ABI3BP: variants seen among roughly 807,000 people sequenced by gnomAD.
The protein encoded by ABI3BP is ABI family member 3 binding protein, also known as target of Nesh-SH3.
A neutral mutation model predicts 268.6 loss-of-function variants in ABI3BP; 216 were observed. The observed-to-expected ratio is 0.80, with a 90% CI of 0.72 to 0.90. The LOEUF is 0.90. Among genes scored for constraint, ABI3BP ranks in the 40% least tolerant of loss-of-function variants. The pLI, the probability that ABI3BP is intolerant of heterozygous loss-of-function variation, is 0.00. For synonymous variants in ABI3BP, 730 were observed against 730.0 expected (o/e 1.00, Z 0.00); for missense variants, 2,090 against 2,182.4 (o/e 0.96, Z 0.84).
chr3:100,754,364 A>G (rs1344126686), intron 64 of ABI3BP, among the ~76,000 whole-genome samples: 2 of 152,194 alleles, frequency 1.3e-5, no homozygotes, highest in African/African-American at 4.8e-5. Flanking sequence ...GAGAGGATTC[A>G]TTGACTAGCT....
At position 100,774,761 on chromosome 3, in the gene ABI3BP, T is replaced by C. The variant is rs145790995; in HGVS notation, c.4463-88A>G. The C allele has an allele frequency of 4.2e-3, 4,359 of 1,043,528 alleles. 13 individuals carry two copies. Among genetic ancestry groups the C allele is most frequent in the Middle Eastern group, 6.7e-3 (23 of 3,436 alleles). The allele number at this position is 1,043,528 out of a possible 1,614,324, so 64.6% of individuals were successfully genotyped here. ...AAAGTTGTAGACTAAAGATATTCAA[T>C]ATTTCTTCTTGTAAACTGCTTGCAG... On this transcript the variant is annotated intron_variant, in intron 60 of 67. Coordinates refer to ENST00000471714, the MANE Select transcript of ABI3BP (RefSeq NM_001375547.2).
chr3:100,987,645 AT>A (rs2092154642), intron 1 of ABI3BP, among the ~76,000 whole-genome samples: 3 of 152,206 alleles, frequency 2.0e-5, no homozygotes, highest in African/African-American at 7.2e-5. Context: ...TGTGTTGACT[AT>A]TGATTATTAA....
chr3:100,908,891 G>T (rs2054847910), intron 2 of ABI3BP, among the ~76,000 whole-genome samples: 1 of 152,108 alleles, frequency 6.6e-6, no homozygotes, highest in Admixed American at 6.5e-5. Context: ...TTTCTTCACG[G>T]AATTGGAAAA....
chr3:100,765,987 T>C, intron 62 of ABI3BP, 38 bp from the exon 63 acceptor site: 3 of 1,488,886 alleles, frequency 2.0e-6, no homozygotes, highest in Non-Finnish European at 2.8e-6. Context: ...CTTGTTTTTA[T>C]TTCTTGGCTG....
intron 63 of ABI3BP, among the ~76,000 whole-genome samples, chr3:100,755,990 A>C (rs1312103773): frequency 6.6e-6 from 1 of 152,244 alleles, no homozygotes; most frequent in Non-Finnish European, 1.5e-5. Context: ...AAAAAATTTG[A>C]GTCAGTTTCT....
rs2095322841 is a variant in ABI3BP, at chr3:100,751,453, C to G, written c.5245+99G>C. 12 of 1,294,288 alleles carry G rather than the reference C, an allele frequency of 9.3e-6. No individual in the cohort carries two copies. The South Asian group carries it at 2.1e-4, about 22-fold the overall frequency. The allele number at this position is 1,294,288 out of a possible 1,614,324, so 80.2% of individuals were successfully genotyped here. On this transcript the variant is annotated intron_variant, in intron 67 of 67. Coordinates refer to ENST00000471714, the MANE Select transcript of ABI3BP (RefSeq NM_001375547.2). ...TTCCTAGATATGTGGAGCAGTAGTA[C>G]TATAGAATTCTTTTTAAATTGCTTG...
chr3:100,949,288 C>T (rs901659605), intron 1 of ABI3BP, among the ~76,000 whole-genome samples: 1 of 152,088 alleles, frequency 6.6e-6, no homozygotes, highest in Non-Finnish European at 1.5e-5. Flanking sequence ...GACAGACTCT[C>T]GCTCTGTCAC....
intron 63 of ABI3BP, among the ~76,000 whole-genome samples, chr3:100,762,382 T>C (rs1462064839): frequency 6.6e-6 from 1 of 152,244 alleles, no homozygotes; most frequent in Non-Finnish European, 1.5e-5. Context: ...ATGGATTTGA[T>C]GAGAAAGAAA....
rs1040100940 is a variant in ABI3BP at position 100,875,444 on chromosome 3, A to T, written c.817+64T>A. ...TACTCACACTGCAAAACTCCAGAAA[A>T]GCCCTATCCTCAAAAGATAGCCCGA... On this transcript the variant is annotated intron_variant, in intron 8 of 67. Transcript: ENST00000471714. The T allele has an allele frequency of 1.7e-5, 21 of 1,239,016 alleles. No homozygotes were observed. In the South Asian group the frequency reaches 2.5e-4, roughly 15 times the overall value. The allele number at this position is 1,239,016 out of a possible 1,614,324, so 76.8% of individuals were successfully genotyped here.
chr3:100,759,664 CTA>C (rs772585078), intron 63 of ABI3BP, among the ~76,000 whole-genome samples: 17 of 152,142 alleles, frequency 1.1e-4, no homozygotes, highest in African/African-American at 1.9e-4. Flanking sequence ...AAAAATAAAA[CTA>C]TGTGGTTATG....
intron 1 of ABI3BP, among the ~76,000 whole-genome samples, chr3:100,936,335 C>A (rs576476650): frequency 2.6e-5 from 4 of 152,106 alleles, no homozygotes; most frequent in African/African-American, 9.7e-5. Context: ...CCGACTTGAT[C>A]GTGGTGGATA....
At chr3:100,902,712 G>C (rs775295754) in intron 2 of ABI3BP, 26 bp from the exon 3 acceptor site, 29 of 1,607,454 alleles carry the variant, frequency 1.8e-5, no homozygotes, top group Admixed American at 6.7e-5. Flanking sequence ...TTATTTATCA[G>C]AAAAACCCTT....
intron 40 of ABI3BP, among the ~76,000 whole-genome samples, chr3:100,819,864 G>A (rs1460944507): frequency 1.3e-5 from 2 of 148,990 alleles, no homozygotes; most frequent in Non-Finnish European, 3.0e-5. Context: ...CAGGAGAATT[G>A]CTTGAACCGG....
At chr3:100,917,074 G>C (rs748137380) in intron 2 of ABI3BP, among the ~76,000 whole-genome samples, 3 of 152,098 alleles carry the variant, frequency 2.0e-5, no homozygotes, top group Non-Finnish European at 4.4e-5. Context: ...TTTTCTCCTG[G>C]ATATTTTTAC....
Position 100,798,686 on chromosome 3 carries a change from G to A in ABI3BP, c.3758-2218C>T, listed in dbSNP as rs377179988. ...ACACAAGTAGGAATGCACAATGTCT[G>A]TCATAGATAAACGTAAATGAATGTG... On this transcript the variant is annotated intron_variant, in intron 51 of 67. Coordinates refer to ENST00000471714, the MANE Select transcript of ABI3BP (RefSeq NM_001375547.2). Among the ~76,000 whole-genome samples the A allele has an allele frequency of 9.9e-5, 15 of 152,230 alleles. No individual in the cohort carries two copies. In the South Asian group the frequency reaches 3.1e-3, roughly 32 times the overall value.
At chr3:100,887,759 T>C (rs912899013) in intron 4 of ABI3BP, among the ~76,000 whole-genome samples, 1 of 152,080 alleles carries the variant, frequency 6.6e-6, no homozygotes, top group African/African-American at 2.4e-5. Context: ...ATCAGGAATT[T>C]TGCTCATTCT....
intron 31 of ABI3BP, among the ~76,000 whole-genome samples, chr3:100,831,500 TG>T (rs760415778): frequency 1.3e-5 from 2 of 152,158 alleles, no homozygotes; most frequent in African/African-American, 2.4e-5. Flanking sequence ...TTGGTATCAT[TG>T]GGCTGGGTAT....
At chr3:100,777,932 G>A (rs776104656) in intron 59 of ABI3BP, among the ~76,000 whole-genome samples, 32 of 152,308 alleles carry the variant, frequency 2.1e-4, no homozygotes, top group Middle Eastern at 3.4e-3. Context: ...AGAATGATAA[G>A]TCAATGACAA....
chr3:100,841,092 A>G (rs750609439), intron 21 of ABI3BP, among the ~76,000 whole-genome samples: 2 of 152,030 alleles, frequency 1.3e-5, no homozygotes, highest in African/African-American at 2.4e-5. Context: ...AATGGAACAA[A>G]AAGGCATGAT....
Sources: gnomAD v4.1 joint callset for allele counts (sites outside exome capture counted in the v4.1 genomes callset) on GRCh38, gnomAD v4.1.1 for gene constraint, MANE v1.5 for transcripts, NCBI Gene and HGNC (gene_info 2026-07-23, HGNC 2026-07-21) for gene names.